Variants in ADCY9 observed in about 807,000 individuals in gnomAD.
ADCY9 encodes adenylate cyclase 9, also known as adenylate cyclase type 9.
ADCY9 carries 50 observed loss-of-function variants against 101.5 expected under a neutral mutation model. The ratio of observed to expected loss-of-function variants is 0.49; its 90% CI spans 0.39 to 0.62. The LOEUF is 0.62. Ranked by LOEUF, ADCY9 falls within the 20% of genes least tolerant of loss-of-function variation. The probability of loss-of-function intolerance (pLI) is 0.00; values close to 1 mark genes in which losing one functional copy is unlikely to be tolerated. For missense variants in ADCY9, 1,662 were observed against 1,800.4 expected (o/e 0.92, Z 1.39); for synonymous variants, 905 against 769.3 (o/e 1.18, Z -2.92).
intron 2 of ADCY9, among the ~76,000 whole-genome samples, chr16:4,069,380 G>A (rs2056819667): frequency 6.6e-6 from 1 of 151,574 alleles, no homozygotes; most frequent in South Asian, 2.1e-4. Context: ...TTCCTTGGTT[G>A]TAAAATGCAG....
rs139324997 is a variant in ADCY9, at chr16:4,115,162, T to G, written c.281A>C (p.Lys94Thr). 7 of 1,613,720 alleles carry G rather than the reference T, an allele frequency of 4.3e-6. No homozygotes were observed. The South Asian group carries it at 4.4e-5, about 10-fold the overall frequency. Reference sequence around the variant, plus strand: ...CTCCTCCAGGTTCACCGAGTCGAACTTGGGGTCCCACCAGCGGCTGGAGGC... The same window carrying G: ...CTCCTCCAGGTTCACCGAGTCGAACGTGGGGTCCCACCAGCGGCTGGAGGC... ...ERASSRWWDP[K>T]FDSVNLEEAC... Residue 94 changes from lysine (K) to threonine (T), a missense_variant, in exon 2 of 11, where the codon AAG becomes ACG. Around this residue, in one of 5 missense-constraint regions of ADCY9, gnomAD observed 422 missense variants for 392.0 expected, o/e 1.08. Transcript: ENST00000294016. This position sits in a 1 kb window ranked among gnomAD's most constrained non-coding sequence, Gnocchi z 6.2.
chr16:4,004,942 TC>T (rs1422213331), intron 3 of ADCY9, among the ~76,000 whole-genome samples: 1 of 152,156 alleles, frequency 6.6e-6, no homozygotes, highest in African/African-American at 2.4e-5. Context: ...AGGGAACGTT[TC>T]CTGAACACCT....
At chr16:4,097,887 A>G (rs753702158) in intron 2 of ADCY9, among the ~76,000 whole-genome samples, 42 of 152,128 alleles carry the variant, frequency 2.8e-4, no homozygotes, top group Non-Finnish European at 5.1e-4. Flanking sequence ...AGCAAATATT[A>G]TCACACATAT....
chr16:3,983,744 G>A, intron 6 of ADCY9: 1 of 397,892 alleles, frequency 2.5e-6, no homozygotes, highest in South Asian at 3.6e-5. Flanking sequence ...GCGTAACACA[G>A]TGAGACTCCA....
At chr16:4,110,211 T>C (rs1459226516) in intron 2 of ADCY9, among the ~76,000 whole-genome samples, 1 of 152,162 alleles carries the variant, frequency 6.6e-6, no homozygotes, top group African/African-American at 2.4e-5. Flanking sequence ...GTTCTTGGCT[T>C]TGCCCAGGAA....
At chr16:3,958,287 A>T (rs990112510), downstream of ADCY9, among the ~76,000 whole-genome samples, 4 of 152,048 alleles carry the variant, frequency 2.6e-5, no homozygotes, top group African/African-American at 9.7e-5. Context: ...CACGCCTGTA[A>T]CCCCAGCACT....
intron 2 of ADCY9, among the ~76,000 whole-genome samples, chr16:4,074,282 T>C (rs1054159204): frequency 3.9e-5 from 6 of 152,104 alleles, no homozygotes; most frequent in Admixed American, 3.3e-4. Context: ...TAATAAATGG[T>C]ATAATATTTG....
intron 2 of ADCY9, among the ~76,000 whole-genome samples, chr16:4,065,236 C>G (rs893624340): frequency 2.4e-4 from 36 of 152,140 alleles, no homozygotes; most frequent in South Asian, 2.1e-4. Context: ...GCACCAGGGT[C>G]TTTAAAATGA....
intron 2 of ADCY9, among the ~76,000 whole-genome samples, chr16:4,060,051 G>A (rs192933346): frequency 2.5e-3 from 375 of 152,292 alleles, no homozygotes; most frequent in African/African-American, 8.8e-3. Flanking sequence ...GTGAAAATTG[G>A]TGGCTCCACT....
chr16:4,027,513 A>AG, intron 2 of ADCY9, among the ~76,000 whole-genome samples: 1 of 152,228 alleles, frequency 6.6e-6, no homozygotes, highest in East Asian at 1.9e-4. Context: ...GAGGGCAAGG[A>AG]GGAGCAAGTC....
rs376711313 is a variant in ADCY9, at chr16:4,114,938, C to A, written c.505G>T (p.Ala169Ser). 5.0e-5 allele frequency: 81 copies of A among 1,613,922 alleles called. No homozygotes were observed. In the East Asian group the frequency reaches 8.9e-4, roughly 18 times the overall value. Reference protein sequence around the residue: ...FFLFTFTKLYARHYAWTSLAL... With the variant: ...FFLFTFTKLYSRHYAWTSLAL... ...AGCGAGGTCCACGCGTAATGCCGGG[C>A]GTACAGCTTGGTGAAGGTAAACAGA... Residue 169 changes from alanine (A) to serine (S), a missense_variant, in exon 2 of 11, where the codon GCC (alanine) becomes TCC (serine). Ala to Ser is a moderately conservative substitution (Grantham distance 99). Transcript: ENST00000294016. This position sits in a 1 kb window ranked among gnomAD's most constrained non-coding sequence, Gnocchi z 4.3.
chr16:4,042,675 T>C (rs913718540), intron 2 of ADCY9, among the ~76,000 whole-genome samples: 1 of 152,232 alleles, frequency 6.6e-6, no homozygotes, highest in Non-Finnish European at 1.5e-5. Context: ...TAGAATATAC[T>C]GTGATAACAA....
chr16:4,066,408 T>C (rs1034688895), intron 2 of ADCY9, among the ~76,000 whole-genome samples: 9 of 152,160 alleles, frequency 5.9e-5, no homozygotes, highest in African/African-American at 2.2e-4. Context: ...TATTTAGAGA[T>C]GGAGGTCTCA....
At chr16:4,027,573 C>T (rs542308407) in intron 2 of ADCY9, among the ~76,000 whole-genome samples, 1 of 152,126 alleles carries the variant, frequency 6.6e-6, no homozygotes, top group African/African-American at 2.4e-5. Flanking sequence ...AGGGGAACTC[C>T]TCTTTATAAA....
At chr16:4,050,560 C>A (rs1941185012) in intron 2 of ADCY9, among the ~76,000 whole-genome samples, 2 of 151,604 alleles carry the variant, frequency 1.3e-5, no homozygotes, top group South Asian at 4.2e-4. Context: ...ACTAAAAATA[C>A]AAAATTAGCC....
chr16:4,066,744 A>T (rs546118062), intron 2 of ADCY9, among the ~76,000 whole-genome samples: 2 of 152,272 alleles, frequency 1.3e-5, no homozygotes, highest in East Asian at 3.9e-4. Context: ...CATGAGATCC[A>T]TGAAAAAAAA....
At chr16:4,039,414 C>G (rs1291213655) in intron 2 of ADCY9, among the ~76,000 whole-genome samples, 2 of 152,064 alleles carry the variant, frequency 1.3e-5, no homozygotes, top group Non-Finnish European at 2.9e-5. Context: ...TGCGGTGGCT[C>G]ACGCCTGTAA....
intron 2 of ADCY9, among the ~76,000 whole-genome samples, chr16:4,103,054 G>C (rs1360822381): frequency 6.6e-6 from 1 of 152,200 alleles, no homozygotes; most frequent in Non-Finnish European, 1.5e-5. Context: ...CTTTGAACAT[G>C]AGCAACAAAG....
rs779529291 is a variant in ADCY9, at chr16:3,977,603, G to T, written c.2707C>A (p.Leu903Met). 1.0e-4 allele frequency: 166 copies of T among 1,612,452 alleles called. No individual in the cohort carries two copies. Among genetic ancestry groups the T allele is most frequent in the Non-Finnish European group, 1.4e-4 (165 of 1,179,742 alleles). ...TTACAGTAGTGCACGACGGCAATCA[G>T]CGCGGCCGAGCCTGTGAACACTGGG... ...HFPVFTGSAA[L>M]IAVVHYCNFC... The change falls in exon 9 of 11, where the codon CTG (leucine) becomes ATG (methionine). Residue 903 changes from leucine to methionine, a missense_variant. By Grantham distance (15) the Leu-to-Met change is conservative (BLOSUM62 2). This residue lies in a region of ADCY9 where 624 missense variants were observed against 639.1 expected (regional missense o/e 0.98). Coordinates refer to ENST00000294016, the MANE Select transcript of ADCY9 (RefSeq NM_001116.4).
Sources: gnomAD v4.1 joint callset for allele counts (sites outside exome capture counted in the v4.1 genomes callset) on GRCh38, gnomAD v4.1.1 for gene constraint, gnomAD v4.1.1 regional missense constraint, Gnocchi (gnomAD v3.1) non-coding constraint, MANE v1.5 for transcripts, NCBI Gene and HGNC (gene_info 2026-07-23, HGNC 2026-07-21) for gene names.